Variants in RNF135 observed in about 807,000 individuals in gnomAD.
RNF135 encodes the protein ring finger protein 135.
A neutral mutation model predicts 41.9 loss-of-function variants in RNF135; 46 were observed. The observed-to-expected ratio is 1.10, with a 90% CI of 0.87 to 1.40. The LOEUF (loss-of-function observed/expected upper bound fraction) is 1.40. RNF135 is among the 40% of genes most tolerant of loss of function. RNF135 has a pLI of 0.00. For synonymous variants in RNF135, 238 were observed against 223.8 expected, an observed-to-expected ratio of 1.06 and a Z score of -0.57; for missense variants, 539 against 549.8, an observed-to-expected ratio of 0.98 and a Z score of 0.20.
chr17:30,997,627 A>AACT (rs1347146083), intron 4 of RNF135: 1 of 474,176 alleles, frequency 2.1e-6, no homozygotes, highest in African/African-American at 2.0e-5. Flanking sequence ...TGTGGCCACC[A>AACT]ACTATAGCCA....
At chr17:30,964,536 G>A in the RNF135 span, among the ~76,000 whole-genome samples, 2 of 151,648 alleles carry the variant, frequency 1.3e-5, no homozygotes, top group Non-Finnish European at 2.9e-5. Context: ...CCCAAGAGGC[G>A]GAGTTTGCAG....
intron 1 of RNF135, among the ~76,000 whole-genome samples, chr17:30,979,543 C>G (rs1452943508): frequency 2.4e-5 from 2 of 83,892 alleles, no homozygotes; most frequent in Admixed American, 9.4e-5. Context: ...CCCCCCCCCC[C>G]CGCCTCCCTC....
At chr17:30,983,345 ATATATATATTTTTTTTTT>A (rs1231355713) in intron 1 of RNF135, among the ~76,000 whole-genome samples, 1 of 34,178 alleles carries the variant, frequency 2.9e-5, no homozygotes, top group Admixed American at 3.6e-4. Context: ...ATATATATAT[ATATATATATTTTTTTTTT>A]TTTTTTTTGA....
At chr17:30,976,749 G>A (rs1009878005) in intron 1 of RNF135, among the ~76,000 whole-genome samples, 9 of 152,152 alleles carry the variant, frequency 5.9e-5, no homozygotes, top group African/African-American at 1.9e-4. Flanking sequence ...TCTGATATAT[G>A]TATAGCTAAT....
upstream of RNF135, chr17:30,968,812 GA>G (rs1320766622): frequency 2.6e-5 from 4 of 152,246 alleles, no homozygotes; most frequent in Admixed American, 2.6e-4. Context: ...GTGAAATGGA[GA>G]AGAGGAGAGC....
chr17:30,962,805 A>G, the RNF135 span, among the ~76,000 whole-genome samples: 1 of 152,154 alleles, frequency 6.6e-6, no homozygotes, highest in African/African-American at 2.4e-5. Context: ...AGGGTATCAC[A>G]ATAGCCATCA....
intron 1 of RNF135, among the ~76,000 whole-genome samples, chr17:30,984,398 G>GA (rs923691428): frequency 1.3e-4 from 20 of 152,112 alleles, no homozygotes; most frequent in African/African-American, 4.3e-4. Context: ...ACAATTTGTT[G>GA]AAAAAACTGT....
At chr17:30,996,019 C>G (rs558372740) in intron 3 of RNF135, among the ~76,000 whole-genome samples, 1 of 151,542 alleles carries the variant, frequency 6.6e-6, no homozygotes, top group East Asian at 1.9e-4. Flanking sequence ...TCAGGTGATC[C>G]GCCCGCCTCA....
chr17:30,964,386 T>C, the RNF135 span, among the ~76,000 whole-genome samples: 1 of 76,370 alleles, frequency 1.3e-5, no homozygotes, highest in African/African-American at 9.3e-5. Context: ...TGAGACTTCA[T>C]CTCAAAAAAA....
In RNF135 at chr17:30,984,605, G is replaced by A; in HGVS notation, c.373-12G>A. On this transcript the variant is annotated splice_polypyrimidine_tract_variant and intron_variant, in intron 1 of 4. Transcript: ENST00000328381. Reference sequence around the variant, plus strand: ...TTATAGAACCCAGGACCTGAACTTTGCTATTTTGAAGGTGGCAGTAGAGAA... The same window carrying A: ...TTATAGAACCCAGGACCTGAACTTTACTATTTTGAAGGTGGCAGTAGAGAA... 6.2e-7 allele frequency: 1 copy of A among 1,614,130 alleles called. No individual in the cohort carries two copies. The highest frequency in any genetic ancestry group is 2.2e-5 in the East Asian group (1 of 44,882).
chr17:30,971,014 G>A, upstream of RNF135: 5 of 1,531,146 alleles, frequency 3.3e-6, no homozygotes, highest in South Asian at 1.2e-5. Flanking sequence ...GGCGAGGGAG[G>A]AGCCTGAGGA....
At chr17:30,968,850 G>A (rs532336515), upstream of RNF135, 1 of 152,232 alleles carries the variant, frequency 6.6e-6, no homozygotes, top group South Asian at 2.1e-4. Flanking sequence ...CAGGTCAAAG[G>A]TGATTTTATT....
intron 1 of RNF135, among the ~76,000 whole-genome samples, chr17:30,982,831 T>A (rs1907252201): frequency 6.6e-6 from 1 of 152,316 alleles, no homozygotes. Context: ...CTTTAAAAAA[T>A]TTTAAATTAA....
At position 30,998,888 on chromosome 17, in the gene RNF135, G is replaced by C. The variant is rs1189918689; in HGVS notation, c.996G>C (p.Trp332Cys). 9 of 1,611,866 alleles carry C rather than the reference G, an allele frequency of 5.6e-6. No individual in the cohort carries two copies. Among genetic ancestry groups the C allele is most frequent in the Non-Finnish European group, 6.8e-6 (8 of 1,178,606 alleles). ...CSHWAVGVAS[W>C]EMSRDQVLGR... ...ACTGGGCAGTTGGGGTGGCTTCCTG[G>C]GAGATGAGCCGCGACCAGGTCCTGG... Residue 332 changes from tryptophan (W) to cysteine (C), a missense_variant, in exon 5 of 5, where the codon TGG becomes TGC. This residue lies in a region of RNF135 where 262 missense variants were observed against 336.9 expected (regional missense o/e 0.78). Coordinates refer to ENST00000328381, the MANE Select transcript of RNF135 (RefSeq NM_032322.4).
chr17:30,964,233 C>CA, the RNF135 span, among the ~76,000 whole-genome samples: 1 of 151,240 alleles, frequency 6.6e-6, no homozygotes, highest in Non-Finnish European at 1.5e-5. Context: ...ACTTAAAACA[C>CA]AAAAAATTAG....
chr17:30,990,404 G>C (rs773733495), intron 3 of RNF135, among the ~76,000 whole-genome samples: 1 of 152,070 alleles, frequency 6.6e-6, no homozygotes, highest in Non-Finnish European at 1.5e-5. Flanking sequence ...CACTCCAGTA[G>C]TGCCAGCTAC....
chr17:30,962,899 A>G, the RNF135 span, among the ~76,000 whole-genome samples: 1 of 152,174 alleles, frequency 6.6e-6, no homozygotes. Context: ...GATGTATGAG[A>G]GTTCCAGTTA....
At chr17:30,993,124 G>A (rs1908102764) in intron 3 of RNF135, among the ~76,000 whole-genome samples, 1 of 150,938 alleles carries the variant, frequency 6.6e-6, no homozygotes, top group South Asian at 2.1e-4. Flanking sequence ...GCAGTGGCGC[G>A]ATCTCGGCTC....
chr17:30,983,353 A>ATATATATATATTTTTT (rs1420453160), intron 1 of RNF135, among the ~76,000 whole-genome samples: 12 of 35,728 alleles, frequency 3.4e-4, no homozygotes, highest in East Asian at 8.8e-4. Context: ...ATATATATAT[A>ATATATATATATTTTTT]TTTTTTTTTT....
Sources: gnomAD v4.1 joint callset for allele counts (sites outside exome capture counted in the v4.1 genomes callset) on GRCh38, gnomAD v4.1.1 for gene constraint, gnomAD v4.1.1 regional missense constraint, MANE v1.5 for transcripts, NCBI Gene and HGNC (gene_info 2026-07-23, HGNC 2026-07-21) for gene names.